MAT2A: variants seen among roughly 807,000 people sequenced by gnomAD.
The protein encoded by MAT2A is S-adenosylmethionine synthase isoform type-2.
In MAT2A, 3 loss-of-function variants were observed where a neutral mutation model predicts 43.9. The observed-to-expected ratio is 0.07, with a 90% confidence interval of 0.03 to 0.18. The LOEUF (loss-of-function observed/expected upper bound fraction) is 0.18. Ranked by LOEUF, MAT2A falls within the 10% of genes least tolerant of loss-of-function variation. MAT2A has a pLI of 1.00. For missense variants in MAT2A, 204 were observed against 489.0 expected (o/e 0.42, Z 5.50); for synonymous variants, 200 against 168.4 (o/e 1.19, Z -1.45).
At chr2:85,541,026 T>TA in intron 1 of MAT2A, 57 bp from the exon 2 acceptor site, 1 of 1,194,258 alleles carries the variant, frequency 8.4e-7, no homozygotes, top group Non-Finnish European at 1.2e-6. Flanking sequence ...CTTGCATACA[T>TA]ACATACATAC....
Position 85,542,151 on chromosome 2 carries a change from C to T in MAT2A, c.550-4C>T. 6.2e-7 allele frequency: 1 copy of T among 1,612,664 alleles called. No individual in the cohort carries two copies. The highest frequency in any genetic ancestry group is 8.5e-7 in the Non-Finnish European group (1 of 1,178,756). Reference sequence around the variant, plus strand: ...ATGTTCTGATGACCTGTGTTGCCTTCAAGGTTACTGTGCAGTATATGCAGG... The same window carrying T: ...ATGTTCTGATGACCTGTGTTGCCTTTAAGGTTACTGTGCAGTATATGCAGG... On this transcript the variant is annotated splice_region_variant and splice_polypyrimidine_tract_variant and intron_variant, in intron 5 of 8. Transcript: ENST00000306434.
chr2:85,542,752 A>G lies in MAT2A; in HGVS notation c.951+5A>G. On this transcript the variant is annotated splice_donor_5th_base_variant and intron_variant, in intron 7 of 8. Transcript: ENST00000306434. ...TGCCGGAGGGTTCTTGTTCAGGTAT[A>G]CACTCTTTATATAACGAACGATTAA... 1.9e-6 allele frequency: 3 copies of G among 1,602,470 alleles called. No individual in the cohort carries two copies. The highest frequency in any genetic ancestry group is 1.7e-6 in the Non-Finnish European group (2 of 1,172,072).
Position 85,543,837 on chromosome 2 carries a change from G to A in MAT2A, c.*65G>A. ...TACAGAGAAGCCTTCAAGCTCTGAG[G>A]GAAAGGGCCCTCCTTCCTAAATTTT... On this transcript the variant is annotated 3_prime_UTR_variant, in exon 9 of 9. Transcript: ENST00000306434. 2 of 1,034,010 alleles carry A rather than the reference G, an allele frequency of 1.9e-6. No homozygotes were observed. Among genetic ancestry groups the A allele is most frequent in the Non-Finnish European group, 1.4e-6 (1 of 701,106 alleles). 64.1% of individuals were successfully genotyped at this position (1,034,010 alleles called of 1,614,324 possible). A position where few individuals can be genotyped will look rare whatever the true frequency, so the allele number is the denominator to read the frequency against.
chr2:85,541,151 G>A lies in MAT2A; in HGVS notation c.160G>A (p.Val54Ile). ...CCTTCAGCAGGATCCTGATGCCAAAGTAGCTTGTGGTAGGTTCAGAATGTG... is the reference window on the plus strand; with the variant it reads ...CCTTCAGCAGGATCCTGATGCCAAAATAGCTTGTGGTAGGTTCAGAATGTG... Reference protein sequence around the residue: ...AHLQQDPDAKVACETVAKTGM... With the variant: ...AHLQQDPDAKIACETVAKTGM... The change falls in exon 2 of 9, where the codon GTA becomes ATA. Residue 54 changes from valine (V) to isoleucine (I), a missense_variant. Transcript: ENST00000306434. 1 of 1,613,766 alleles carries A rather than the reference G, an allele frequency of 6.2e-7. No individual in the cohort carries two copies. The highest frequency in any genetic ancestry group is 8.5e-7 in the Non-Finnish European group (1 of 1,179,692).
Position 85,541,090 on chromosome 2 carries a change from T to C in MAT2A, c.99T>C (p.Ile33=), listed in dbSNP as rs756855370. The C allele has an allele frequency of 6.2e-7, 1 of 1,610,674 alleles. No individual in the cohort carries two copies. Among genetic ancestry groups the C allele is most frequent in the Non-Finnish European group, 8.5e-7 (1 of 1,178,182 alleles). ...ESVGEGHPDK[I]CDQISDAVLD... ...GGAATTTCTCTTTTCCAGATAAGAT[T>C]TGTGACCAAATCAGTGATGCTGTCC... Residue 33 remains isoleucine, a synonymous_variant, in exon 2 of 9, where the codon ATT becomes ATC. Transcript: ENST00000306434.
At chr2:85,540,810 G>T (rs994618172) in intron 1 of MAT2A, among the ~76,000 whole-genome samples, 5 of 152,188 alleles carry the variant, frequency 3.3e-5, no homozygotes, top group African/African-American at 1.2e-4. Flanking sequence ...GTGCAGAGGG[G>T]TTTGGTACAG....
rs1691402677 is a variant in MAT2A, at chr2:85,539,540, C to T, written c.91+162C>T. ...GCTTTCCTCGTGGCGCCGCCAGGGC[C>T]TGGCGCGTGGCCGCCGCTCCTCTTC... On this transcript the variant is annotated intron_variant, in intron 1 of 8. Coordinates refer to ENST00000306434, the MANE Select transcript of MAT2A (RefSeq NM_005911.6). 4 of 504,938 alleles carry T rather than the reference C, an allele frequency of 7.9e-6. No homozygotes were observed. In the South Asian group the frequency reaches 8.7e-5, roughly 11 times the overall value. 31.3% of individuals were successfully genotyped at this position (504,938 alleles called of 1,614,324 possible).
At chr2:85,539,596 CT>C (rs1185438867) in intron 1 of MAT2A, 1 of 435,140 alleles carries the variant, frequency 2.3e-6, no homozygotes, top group African/African-American at 2.1e-5. Flanking sequence ...CCCTTCCCCC[CT>C]CCCTTTTCAT....
intron 3 of MAT2A, 33 bp from the exon 4 acceptor site, chr2:85,541,600 A>G (rs1381907937): frequency 2.0e-6 from 3 of 1,510,614 alleles, no homozygotes; most frequent in Non-Finnish European, 1.8e-6. Context: ...TATTTCTAGG[A>G]CGTAAACAAG....
At chr2:85,543,081 G>T in intron 8 of MAT2A, 47 bp downstream of exon 8, 3 of 1,594,578 alleles carry the variant, frequency 1.9e-6, no homozygotes, top group African/African-American at 1.3e-5. Context: ...AGGGTGTTGG[G>T]TGTGTGTGTA....
Position 85,541,889 on chromosome 2 carries a change from T to C in MAT2A, c.466T>C (p.Leu156=), listed in dbSNP as rs762523745. The part of the protein sequence containing the change: ...TEECMPLTIV[L]AHKLNAKLAE... ...GGAGTGTATGCCTTTAACCATTGTC[T>C]TGGCACACAAGCTAAATGCCAAACT... Residue 156 remains leucine, a synonymous_variant, in exon 5 of 9, where the codon TTG becomes CTG. Coordinates refer to ENST00000306434, the MANE Select transcript of MAT2A (RefSeq NM_005911.6). 6.2e-7 allele frequency: 1 copy of C among 1,614,144 alleles called. No individual in the cohort carries two copies. Among genetic ancestry groups the C allele is most frequent in the Non-Finnish European group, 8.5e-7 (1 of 1,180,050 alleles).
intron 1 of MAT2A, 30 bp from the exon 2 acceptor site, chr2:85,541,053 G>A: frequency 6.5e-7 from 1 of 1,548,442 alleles, no homozygotes; most frequent in Non-Finnish European, 8.9e-7. Context: ...TAAAGTTAAA[G>A]AAACTGAGCC....
rs1166426235 is a variant in MAT2A, at chr2:85,544,755, C to G, written c.*983C>G. On this transcript the variant is annotated 3_prime_UTR_variant, in exon 9 of 9. Coordinates refer to ENST00000306434, the MANE Select transcript of MAT2A (RefSeq NM_005911.6). Reference sequence around the variant, plus strand: ...TTTGTTTTATTTTCAAAACCAGGTCCAATGAGCTTTCTGAACAGCTGGTGT... The same window carrying G: ...TTTGTTTTATTTTCAAAACCAGGTCGAATGAGCTTTCTGAACAGCTGGTGT... 1 of 152,518 alleles carries G rather than the reference C, an allele frequency of 6.6e-6. No homozygotes were observed. Among genetic ancestry groups the G allele is most frequent in the East Asian group, 1.9e-4 (1 of 5,200 alleles). 9.4% of individuals were successfully genotyped at this position (152,518 alleles called of 1,614,324 possible). A position where few individuals can be genotyped will look rare whatever the true frequency, so the allele number is the denominator to read the frequency against.
Position 85,544,268 on chromosome 2 carries a change from G to A in MAT2A, c.*496G>A, listed in dbSNP as rs1691553120. The A allele has an allele frequency of 6.6e-6, 1 of 152,590 alleles. No homozygotes were observed. Among genetic ancestry groups the A allele is most frequent in the South Asian group, 2.1e-4 (1 of 4,836 alleles). 9.5% of individuals were successfully genotyped at this position (152,590 alleles called of 1,614,324 possible). On this transcript the variant is annotated 3_prime_UTR_variant, in exon 9 of 9. Coordinates refer to ENST00000306434, the MANE Select transcript of MAT2A (RefSeq NM_005911.6). The stretch of plus-strand genomic sequence containing the variant: ...GTGAAGCCTTCCCCTTATCCTCCCT[G>A]TAACTTGATCCATTTCTAATTATGT...
intron 1 of MAT2A, 92 bp downstream of exon 1, chr2:85,539,470 CG>C (rs1558796807): frequency 1.0e-6 from 1 of 994,580 alleles, no homozygotes; most frequent in Non-Finnish European, 1.4e-6. Context: ...GGGGCCCGCG[CG>C]GGTCGTCCTC....
rs766898450 is a variant in MAT2A at position 85,541,629 on chromosome 2, A to G, written c.293-4A>G. The G allele has an allele frequency of 1.3e-6, 2 of 1,585,828 alleles. No homozygotes were observed. Among genetic ancestry groups the G allele is most frequent in the East Asian group, 4.5e-5 (2 of 44,736 alleles). On this transcript the variant is annotated splice_region_variant and splice_polypyrimidine_tract_variant and intron_variant, in intron 3 of 8. Transcript: ENST00000306434. Reference sequence around the variant, plus strand: ...AAACAAGATGTTGTGTTTTTTGCTTATAGGTTTTGACTACAAGACTTGTAA... The same window carrying G: ...AAACAAGATGTTGTGTTTTTTGCTTGTAGGTTTTGACTACAAGACTTGTAA...
rs1303064107 is a variant in MAT2A at position 85,541,755 on chromosome 2, T to C, written c.405+10T>C. Reference sequence around the variant, plus strand: ...TGGTGCTGGAGACCAGGTATCTTGGTGTAGAGGCTGTTTTAATCTCTTCTA... The same window carrying C: ...TGGTGCTGGAGACCAGGTATCTTGGCGTAGAGGCTGTTTTAATCTCTTCTA... On this transcript the variant is annotated intron_variant, in intron 4 of 8. Transcript: ENST00000306434. The C allele has an allele frequency of 6.2e-7, 1 of 1,613,940 alleles. No homozygotes were observed. The highest frequency in any genetic ancestry group is 1.7e-5 in the Admixed American group (1 of 60,024).
rs1691544263 is a variant in MAT2A at position 85,543,985 on chromosome 2, T to TAATG, written c.*217_*220dup. On this transcript the variant is annotated 3_prime_UTR_variant, in exon 9 of 9. Coordinates refer to ENST00000306434, the MANE Select transcript of MAT2A (RefSeq NM_005911.6). ...TCCCTAGGTGTTTTGTTCACCATTA[T>TAATG]AATGAATTTAGTGAGCATAGGTGAT... 1 of 468,804 alleles carries TAATG rather than the reference T, an allele frequency of 2.1e-6. No individual in the cohort carries two copies. The highest frequency in any genetic ancestry group is 3.8e-6 in the Non-Finnish European group (1 of 259,848). The allele number at this position is 468,804 out of a possible 1,614,324, so 29.0% of individuals were successfully genotyped here.
chr2:85,541,499 T>C, intron 3 of MAT2A, 122 bp downstream of exon 3: 1 of 1,343,614 alleles, frequency 7.4e-7, no homozygotes, highest in Non-Finnish European at 1.0e-6. Flanking sequence ...TAAGCCCTAT[T>C]CTGTTCATTC....
Sources: allele counts gnomAD v4.1 joint callset (sites outside exome capture counted in the v4.1 genomes callset), GRCh38; gene constraint gnomAD v4.1.1; transcripts MANE v1.5; gene names NCBI Gene and HGNC (gene_info 2026-07-23, HGNC 2026-07-21).